CFAP299: variants seen among roughly 807,000 people sequenced by gnomAD.
CFAP299 encodes the protein cilia and flagella associated protein 299, also known as cilia- and flagella-associated protein 299.
In CFAP299, 21 loss-of-function variants were observed where a neutral mutation model predicts 27.0. The ratio of observed to expected loss-of-function variants is 0.78; its 90% CI spans 0.55 to 1.12. CFAP299 has a LOEUF of 1.12. Ranked by LOEUF, CFAP299 falls within the 50% of genes most tolerant of loss-of-function variation. The pLI, the probability that CFAP299 is intolerant of heterozygous loss-of-function variation, is 0.00. For synonymous variants in CFAP299, 104 were observed against 98.1 expected, an observed-to-expected ratio of 1.06 and a Z score of -0.36; for missense variants, 310 against 276.6, an observed-to-expected ratio of 1.12 and a Z score of -0.86.
chr4:80,629,352 A>G (rs1739087124), intron 3 of CFAP299, among the ~76,000 whole-genome samples: 1 of 152,114 alleles, frequency 6.6e-6, no homozygotes, highest in Non-Finnish European at 1.5e-5. Flanking sequence ...AGAATATAAA[A>G]TTTCAGTTAG....
chr4:80,392,394 C>T (rs912247053), intron 2 of CFAP299, among the ~76,000 whole-genome samples: 1 of 152,142 alleles, frequency 6.6e-6, no homozygotes, highest in Non-Finnish European at 1.5e-5. Context: ...GCTGTGTCCC[C>T]ACCCAAACCT....
intron 4 of CFAP299, among the ~76,000 whole-genome samples, chr4:80,900,123 AGTGTGTGTGTGTGTGT>A (rs3038537): frequency 7.2e-6 from 1 of 139,794 alleles, no homozygotes; most frequent in Non-Finnish European, 1.5e-5. Context: ...AGTGGAAGAA[AGTGTGTGTGTGTGTGT>A]GTGTGTGTGT....
intron 3 of CFAP299, among the ~76,000 whole-genome samples, chr4:80,667,210 T>G (rs1369622642): frequency 1.3e-5 from 2 of 152,224 alleles, no homozygotes; most frequent in African/African-American, 2.4e-5. Flanking sequence ...TTATCTTTTA[T>G]TGATCTACAA....
intron 5 of CFAP299, among the ~76,000 whole-genome samples, chr4:80,961,907 G>A (rs541778440): frequency 6.6e-6 from 1 of 152,030 alleles, no homozygotes; most frequent in South Asian, 2.1e-4. Context: ...ACAATGGCTA[G>A]CCCACAATGT....
intron 3 of CFAP299, among the ~76,000 whole-genome samples, chr4:80,818,338 G>T (rs1729528982): frequency 6.6e-6 from 1 of 151,938 alleles, no homozygotes; most frequent in Non-Finnish European, 1.5e-5. Flanking sequence ...TGTTTTGTTT[G>T]GTTCCAAATA....
intron 2 of CFAP299, among the ~76,000 whole-genome samples, chr4:80,575,875 T>C (rs1735827769): frequency 6.6e-6 from 1 of 152,112 alleles, no homozygotes; most frequent in Non-Finnish European, 1.5e-5. Context: ...GATGAGTTCA[T>C]GTCCTTTGTA....
chr4:80,484,402 A>G (rs1167214762), intron 2 of CFAP299, among the ~76,000 whole-genome samples: 1 of 152,116 alleles, frequency 6.6e-6, no homozygotes, highest in Non-Finnish European at 1.5e-5. Context: ...CCGACTTTAC[A>G]TTCCCTAATT....
intron 1 of CFAP299, among the ~76,000 whole-genome samples, chr4:80,354,283 C>A (rs151013177): frequency 1.0e-3 from 158 of 152,156 alleles, no homozygotes; most frequent in Non-Finnish European, 2.0e-3. Context: ...CAATATCTGT[C>A]CTTACAAATT....
chr4:80,714,404 C>T, intron 3 of CFAP299, among the ~76,000 whole-genome samples: 1 of 152,130 alleles, frequency 6.6e-6, no homozygotes, highest in East Asian at 1.9e-4. Flanking sequence ...GTTAGATTGC[C>T]TGGAGAAAAT....
intron 3 of CFAP299, among the ~76,000 whole-genome samples, chr4:80,722,681 A>G (rs931291439): frequency 6.6e-6 from 1 of 152,252 alleles, no homozygotes; most frequent in South Asian, 2.1e-4. Context: ...CAGGCGGATC[A>G]CGAGGTCAGG....
At chr4:80,800,131 T>G (rs1728335435) in intron 3 of CFAP299, among the ~76,000 whole-genome samples, 2 of 62,834 alleles carry the variant, frequency 3.2e-5, no homozygotes, top group Non-Finnish European at 5.1e-5. Flanking sequence ...TTAATATAAA[T>G]ATATTATATA....
At chr4:80,846,146 C>A (rs1387435235) in intron 3 of CFAP299, among the ~76,000 whole-genome samples, 2 of 152,112 alleles carry the variant, frequency 1.3e-5, no homozygotes, top group African/African-American at 4.8e-5. Flanking sequence ...CACACTGCAT[C>A]TCATTCATCT....
intron 2 of CFAP299, among the ~76,000 whole-genome samples, chr4:80,521,152 A>G (rs1047725227): frequency 1.3e-5 from 2 of 152,204 alleles, no homozygotes; most frequent in African/African-American, 4.8e-5. Flanking sequence ...AATTGGAATG[A>G]TGGAGATTAT....
intron 3 of CFAP299, among the ~76,000 whole-genome samples, chr4:80,782,635 AATATACATATATGAATATATAATATATTC>A (rs1726965756): frequency 8.5e-6 from 1 of 117,130 alleles, no homozygotes; most frequent in Non-Finnish European, 1.8e-5. Flanking sequence ...ATTCATATAT[AATATACATATATGAATATATAATATATTC>A]ATATATAATA....
At chr4:80,425,685 A>G (rs921396277) in intron 2 of CFAP299, among the ~76,000 whole-genome samples, 2 of 152,240 alleles carry the variant, frequency 1.3e-5, no homozygotes, top group African/African-American at 4.8e-5. Flanking sequence ...CTGCACCTGC[A>G]GTAATAAAAT....
chr4:80,439,513 C>A (rs1728249190), intron 2 of CFAP299, among the ~76,000 whole-genome samples: 1 of 152,190 alleles, frequency 6.6e-6, no homozygotes, highest in Non-Finnish European at 1.5e-5. Context: ...TGCTATACGG[C>A]CCAGATACTA....
intron 4 of CFAP299, among the ~76,000 whole-genome samples, chr4:80,889,225 A>G (rs567041698): frequency 1.3e-5 from 2 of 151,872 alleles, no homozygotes; most frequent in South Asian, 4.1e-4. Flanking sequence ...CAAAATTGAC[A>G]AACCTTTAGC....
chr4:80,372,900 A>G lies in CFAP299; in HGVS notation c.242+10016A>G, dbSNP rs537530512. 3.9e-5 allele frequency among the ~76,000 whole-genome samples: 6 copies of G among 152,344 alleles called. No individual in the cohort carries two copies. In the South Asian group the frequency reaches 1.2e-3, roughly 32 times the overall value. ...GACTTTATTTCCTAATTGAGGCAGA[A>G]AAGAACTTATTCACGAAATCAATAG... On this transcript the variant is annotated intron_variant, in intron 2 of 5. Transcript: ENST00000358105.
chr4:80,948,037 T>C (rs1260111117), intron 5 of CFAP299, among the ~76,000 whole-genome samples: 1 of 152,148 alleles, frequency 6.6e-6, no homozygotes, highest in Non-Finnish European at 1.5e-5. Context: ...TAAAGAGCTG[T>C]AAAATATTGT....
Sources: gnomAD v4.1 joint callset for allele counts (sites outside exome capture counted in the v4.1 genomes callset) on GRCh38, gnomAD v4.1.1 for gene constraint, MANE v1.5 for transcripts, NCBI Gene and HGNC (gene_info 2026-07-23, HGNC 2026-07-21) for gene names.